TBC1D5: variants seen among roughly 807,000 people sequenced by gnomAD.
The protein encoded by TBC1D5 is TBC1 domain family, member 5.
In TBC1D5, 75 loss-of-function variants were observed where a neutral mutation model predicts 100.3. The ratio of observed to expected loss-of-function variants is 0.75; its 90% CI spans 0.62 to 0.91. The LOEUF is 0.91. Among genes scored for constraint, TBC1D5 ranks in the 40% least tolerant of loss-of-function variants. TBC1D5 has a pLI of 0.00. For synonymous variants in TBC1D5, 323 were observed against 325.6 expected, an observed-to-expected ratio of 0.99 and a Z score of 0.09; for missense variants, 910 against 942.4, an observed-to-expected ratio of 0.97 and a Z score of 0.45.
At chr3:17,681,712 C>T (rs2069498248) in intron 1 of TBC1D5, among the ~76,000 whole-genome samples, 1 of 151,534 alleles carries the variant, frequency 6.6e-6, no homozygotes, top group South Asian at 2.1e-4. Flanking sequence ...AAATGTCAAA[C>T]ATACTACAAA....
chr3:17,430,346 G>C (rs1270328013), intron 3 of TBC1D5, among the ~76,000 whole-genome samples: 1 of 151,590 alleles, frequency 6.6e-6, no homozygotes, highest in Non-Finnish European at 1.5e-5. Flanking sequence ...CTTCCTTTAA[G>C]GTGATATTTA....
At chr3:17,204,110 AC>A (rs1330474831) in intron 18 of TBC1D5, among the ~76,000 whole-genome samples, 1 of 152,234 alleles carries the variant, frequency 6.6e-6, no homozygotes, top group Non-Finnish European at 1.5e-5. Flanking sequence ...AAAAGTTTAC[AC>A]AGGTGTTCAA....
At chr3:17,214,132 A>C in intron 18 of TBC1D5, 75 bp downstream of exon 19, 1 of 1,474,236 alleles carries the variant, frequency 6.8e-7, no homozygotes, top group South Asian at 1.4e-5. Flanking sequence ...ACTGGGCACT[A>C]ACAGAGCTTT....
At chr3:17,453,104 G>A (rs961626709) in intron 3 of TBC1D5, among the ~76,000 whole-genome samples, 1 of 148,704 alleles carries the variant, frequency 6.7e-6, no homozygotes, top group Non-Finnish European at 1.5e-5. Context: ...AAAGAAAAGT[G>A]TCTTGAAACA....
intron 1 of TBC1D5, among the ~76,000 whole-genome samples, chr3:17,672,209 C>A (rs1246731819): frequency 1.3e-5 from 2 of 152,080 alleles, no homozygotes; most frequent in African/African-American, 4.8e-5. Flanking sequence ...ATATAAAACA[C>A]CTTAAAATTA....
chr3:17,673,008 G>A (rs1161522739), intron 1 of TBC1D5, among the ~76,000 whole-genome samples: 1 of 152,094 alleles, frequency 6.6e-6, no homozygotes, highest in East Asian at 1.9e-4. Flanking sequence ...TCAACCAGGT[G>A]TAAAAAATCA....
At chr3:17,508,395 G>T in intron 3 of TBC1D5, 79 bp downstream of exon 3, 2 of 1,080,102 alleles carry the variant, frequency 1.9e-6, no homozygotes, top group Non-Finnish European at 2.9e-6. Flanking sequence ...CACACATAAG[G>T]TGGACACAGC....
chr3:17,595,715 C>T (rs2060518785), intron 2 of TBC1D5, among the ~76,000 whole-genome samples: 1 of 152,002 alleles, frequency 6.6e-6, no homozygotes, highest in Non-Finnish European at 1.5e-5. Flanking sequence ...AGTCATACTT[C>T]CAATTTAAGG....
At chr3:17,421,214 TG>T (rs1019987206) in intron 4 of TBC1D5, among the ~76,000 whole-genome samples, 38 of 152,300 alleles carry the variant, frequency 2.5e-4, no homozygotes, top group African/African-American at 8.2e-4. Flanking sequence ...ATCATTCAAA[TG>T]TGATTTTTCT....
chr3:17,433,007 G>A (rs930965657), intron 3 of TBC1D5, among the ~76,000 whole-genome samples: 2 of 145,306 alleles, frequency 1.4e-5, no homozygotes, highest in African/African-American at 5.3e-5. Flanking sequence ...TAAAAATTTC[G>A]TGGTGTTTAC....
chr3:17,488,317 C>A (rs1054614889), intron 3 of TBC1D5, among the ~76,000 whole-genome samples: 9 of 152,050 alleles, frequency 5.9e-5, no homozygotes, highest in African/African-American at 2.2e-4. Context: ...ATAACTTATT[C>A]TTTTTATCAC....
chr3:17,303,639 T>A (rs1441458968), intron 14 of TBC1D5, among the ~76,000 whole-genome samples: 1 of 152,202 alleles, frequency 6.6e-6, no homozygotes, highest in Admixed American at 6.5e-5. Flanking sequence ...CACAACTTTG[T>A]ATGCATTTAG....
chr3:17,359,495 A>C (rs1559715090), intron 13 of TBC1D5, among the ~76,000 whole-genome samples: 1 of 152,136 alleles, frequency 6.6e-6, no homozygotes, highest in Non-Finnish European at 1.5e-5. Flanking sequence ...TTGTCATACA[A>C]GATGCATACT....
At chr3:17,420,609 A>G (rs2094185541) in intron 4 of TBC1D5, among the ~76,000 whole-genome samples, 2 of 152,164 alleles carry the variant, frequency 1.3e-5, no homozygotes, top group Admixed American at 6.5e-5. Context: ...TTTTAAGTCT[A>G]TTTTTGAACC....
chr3:17,708,403 A>G (rs114912409), intron 1 of TBC1D5, among the ~76,000 whole-genome samples: 170 of 152,292 alleles, frequency 1.1e-3, no homozygotes, highest in Non-Finnish European at 1.8e-3. Context: ...ATTTTTCACA[A>G]TGTCAATGCT....
intron 2 of TBC1D5, among the ~76,000 whole-genome samples, chr3:17,566,590 AATG>A (rs1397174414): frequency 1.3e-5 from 2 of 151,890 alleles, no homozygotes; most frequent in Admixed American, 6.6e-5. Flanking sequence ...AACCAAAGCT[AATG>A]ATATTAAGGA....
chr3:17,448,573 T>C (rs1440176960), intron 3 of TBC1D5, among the ~76,000 whole-genome samples: 1 of 152,222 alleles, frequency 6.6e-6, no homozygotes, highest in African/African-American at 2.4e-5. Context: ...TTGGCAGGCA[T>C]GAAAACAACA....
intron 13 of TBC1D5, among the ~76,000 whole-genome samples, chr3:17,348,409 T>A (rs1407281898): frequency 6.6e-6 from 1 of 152,216 alleles, no homozygotes; most frequent in East Asian, 1.9e-4. Context: ...GCTACCCTGA[T>A]ATGGGACCTG....
At position 17,352,683 on chromosome 3, in the gene TBC1D5, C is replaced by CAA. The variant is rs1363926293; in HGVS notation, c.995+19390_995+19391dup. On this transcript the variant is annotated intron_variant, in intron 13 of 21. Transcript: ENST00000253692. ...TCTAACTACAATACAAAGCAAAAGGCAAAAAAAAAAAAAAAACAAAAAAAC... is the reference window on the plus strand; with the variant it reads ...TCTAACTACAATACAAAGCAAAAGGCAAAAAAAAAAAAAAAAAACAAAAAAAC... Among the ~76,000 whole-genome samples the CAA allele has an allele frequency of 8.3e-4, 79 of 94,906 alleles. 1 individual carries two copies. The highest frequency in any genetic ancestry group is 1.8e-3 in the East Asian group (4 of 2,276). The allele number at this position is 94,906 out of a possible 152,430, so 62.3% of individuals were successfully genotyped here. A position where few individuals can be genotyped will look rare whatever the true frequency, so the allele number is the denominator to read the frequency against.
Sources: allele counts gnomAD v4.1 joint callset (sites outside exome capture counted in the v4.1 genomes callset), GRCh38; gene constraint gnomAD v4.1.1; transcripts MANE v1.5; gene names NCBI Gene and HGNC (gene_info 2026-07-23, HGNC 2026-07-21).